Variants in SPTBN5 observed in about 807,000 individuals in gnomAD.
SPTBN5 encodes spectrin beta chain, non-erythrocytic 5.
SPTBN5 carries 513 observed loss-of-function variants against 477.6 expected under a neutral mutation model. The ratio of observed to expected loss-of-function variants is 1.07; its 90% CI spans 1.00 to 1.16. The LOEUF (loss-of-function observed/expected upper bound fraction) is 1.16. Among genes scored for constraint, SPTBN5 ranks in the 50% most tolerant of loss-of-function variants. SPTBN5 has a pLI of 0.00. For missense variants in SPTBN5, 5,062 were observed against 4,731.8 expected, an observed-to-expected ratio of 1.07 and a Z score of -2.05; for synonymous variants, 2,169 against 2,011.7, an observed-to-expected ratio of 1.08 and a Z score of -2.09.
chr15:41,850,175 G>A, intron 66 of SPTBN5: 1 of 562,866 alleles, frequency 1.8e-6, no homozygotes, highest in South Asian at 2.1e-5. Flanking sequence ...CCTCACAGGT[G>A]AGTTAAGAAA....
chr15:41,858,787 T>C, intron 48 of SPTBN5, 39 bp from the exon 49 acceptor site: 1 of 1,588,176 alleles, frequency 6.3e-7, no homozygotes, highest in South Asian at 1.1e-5. Flanking sequence ...GTCCAGGGCT[T>C]TCCCCTTCCC....
At position 41,856,881 on chromosome 15, in the gene SPTBN5, G is replaced by A. The variant is rs755023547; in HGVS notation, c.8780C>T (p.Ala2927Val). Residue 2927 changes from alanine (A) to valine (V), a missense_variant, in exon 52 of 68, where the codon GCG becomes GTG. Physicochemically the swap from Ala to Val is moderately conservative, Grantham distance 64. Transcript: ENST00000320955. Reference protein sequence around the residue: ...AAQDYGQSLSAVRHLQEQHQN... With the variant: ...AAQDYGQSLSVVRHLQEQHQN... Reference sequence around the variant, plus strand: ...GTGCTGCTCCTGCAGGTGCCGCACCGCACTCAGGCTCTGGCCATAGTCCTG... The same window carrying A: ...GTGCTGCTCCTGCAGGTGCCGCACCACACTCAGGCTCTGGCCATAGTCCTG... 2.6e-4 allele frequency: 400 copies of A among 1,550,360 alleles called. 2 individuals carry two copies. The highest frequency in any genetic ancestry group is 3.0e-4 in the African/African-American group (22 of 73,078).
chr15:41,857,651 C>T lies in SPTBN5; in HGVS notation c.8286G>A (p.Leu2762=). 1.9e-6 allele frequency: 3 copies of T among 1,595,090 alleles called. No homozygotes were observed. Among genetic ancestry groups the T allele is most frequent in the East Asian group, 2.3e-5 (1 of 44,056 alleles). Residue 2762 remains leucine (L), a synonymous_variant, in exon 50 of 68, where the codon CTG becomes CTA. Coordinates refer to ENST00000320955, the MANE Select transcript of SPTBN5 (RefSeq NM_016642.4). ...HPASEAIQER[L]EELGALWGEL... is the part of the protein sequence containing the mutation. ...CACCCCAGAGTGCTCCCAGCTCCTC[C>T]AGTCGCTCCTGGATGGCCTCCGAGG...
rs964228902 is a variant in SPTBN5, at chr15:41,849,891, C to A, written c.10990G>T (p.Ala3664Ser). ...SSLNECTTKD[A>S]RPGCLLRSDP The stretch of plus-strand genomic sequence containing the variant: ...CACCTGAGTAGACATCCAGGCCGGG[C>A]ATCCTTGGTCGTGCACTCATTCAGA... Residue 3664 changes from alanine (A) to serine (S), a missense_variant, in exon 67 of 68, where the codon GCC (alanine) becomes TCC (serine). Transcript: ENST00000320955. 3.8e-6 allele frequency: 6 copies of A among 1,587,154 alleles called. No individual in the cohort carries two copies. The African/African-American group carries it at 6.7e-5, about 18-fold the overall frequency.
chr15:41,872,317 T>C lies in SPTBN5; in HGVS notation c.5150A>G (p.Glu1717Gly), dbSNP rs370834002. ...RLREQLRALQ[E>G]LAATRDRELE... Reference sequence around the variant, plus strand: ...GTGTCCTCACCGTGTGGCCGCCAACTCCTGCAGTGCCCGCAGCTGCTCCCG... The same window carrying C: ...GTGTCCTCACCGTGTGGCCGCCAACCCCTGCAGTGCCCGCAGCTGCTCCCG... The change falls in exon 27 of 68, where the codon GAG becomes GGG. Residue 1717 changes from glutamate (E) to glycine (G), a missense_variant. Transcript: ENST00000320955. The C allele has an allele frequency of 1.2e-6, 2 of 1,610,942 alleles. No individual in the cohort carries two copies. The highest frequency in any genetic ancestry group is 3.3e-5 in the Admixed American group (2 of 59,988).
At chr15:41,861,676 G>T (rs1442313363) in intron 45 of SPTBN5, 59 bp downstream of exon 45, 3 of 1,508,372 alleles carry the variant, frequency 2.0e-6, no homozygotes, top group African/African-American at 1.4e-5. Context: ...AGGCTGTGGG[G>T]TCAGCGCAGG....
chr15:41,878,485 T>C lies in SPTBN5; in HGVS notation c.3327A>G (p.Gln1109=). The C allele has an allele frequency of 6.2e-7, 1 of 1,613,428 alleles. No individual in the cohort carries two copies. The highest frequency in any genetic ancestry group is 2.2e-5 in the East Asian group (1 of 44,866). ...AETQARQSFL[Q]ESQQLLLWAE... is the part of the protein sequence containing the mutation. ...CCCACAGTAGCAGTTGCTGGCTCTC[T>C]TGCAGGAAGCTCTGCCGGGCCTGAG... Residue 1109 remains glutamine (Q), a synonymous_variant, in exon 17 of 68, where the codon CAA becomes CAG. Coordinates refer to ENST00000320955, the MANE Select transcript of SPTBN5 (RefSeq NM_016642.4).
Position 41,856,599 on chromosome 15 carries a change from C to T in SPTBN5, c.8809-1G>A, listed in dbSNP as rs369287594. ...GGCTGCTCATCTCACTCTCCAGGTT[C>T]TGCGGGGGAGGAGGCAGGAGGATGC... On this transcript the variant is annotated splice_acceptor_variant, in intron 52 of 67. Coordinates refer to ENST00000320955, the MANE Select transcript of SPTBN5 (RefSeq NM_016642.4). LOFTEE classifies it high-confidence loss of function. 4.9e-5 allele frequency: 77 copies of T among 1,581,224 alleles called. No individual in the cohort carries two copies. The highest frequency in any genetic ancestry group is 6.4e-5 in the Non-Finnish European group (75 of 1,169,880).
chr15:41,852,622 G>A lies in SPTBN5; in HGVS notation c.10449+12C>T, dbSNP rs573607011. 3 of 1,612,828 alleles carry A rather than the reference G, an allele frequency of 1.9e-6. No individual in the cohort carries two copies. The South Asian group carries it at 3.3e-5, about 18-fold the overall frequency. ...CCACCAGCCCTCAGCCCCTAGCCGA[G>A]GCAGTCGTCACCTCTGTCTTTTGCA... On this transcript the variant is annotated intron_variant, in intron 61 of 67. Coordinates refer to ENST00000320955, the MANE Select transcript of SPTBN5 (RefSeq NM_016642.4).
rs779580372 is a variant in SPTBN5 at position 41,877,183 on chromosome 15, C to T, written c.3644G>A (p.Arg1215Gln). Reference sequence around the variant, plus strand: ...GGTGGCAGTGAAACCATCCACTTCTCGGCCAAACTTCTGCAGCTCCAGCCC... The same window carrying T: ...GGTGGCAGTGAAACCATCCACTTCTTGGCCAAACTTCTGCAGCTCCAGCCC... ...QEGLELQKFG[R>Q]EVDGFTATCA... Residue 1215 changes from arginine (R) to glutamine (Q), a missense_variant, in exon 18 of 68, where the codon CGA becomes CAA. Physicochemically the swap from Arg to Gln is conservative, Grantham distance 43 (BLOSUM62 1). Transcript: ENST00000320955. The T allele has an allele frequency of 6.2e-6, 10 of 1,613,872 alleles. No individual in the cohort carries two copies. Among genetic ancestry groups the T allele is most frequent in the Middle Eastern group, 1.6e-4 (1 of 6,084 alleles).
Position 41,892,977 on chromosome 15 carries a change from C to T in SPTBN5, c.301G>A (p.Ala101Thr). The T allele has an allele frequency of 6.2e-7, 1 of 1,609,366 alleles. No individual in the cohort carries two copies. Among genetic ancestry groups the T allele is most frequent in the South Asian group, 1.1e-5 (1 of 91,070 alleles). Residue 101 changes from alanine (A) to threonine (T), a missense_variant, in exon 3 of 68, where the codon GCC becomes ACC. Coordinates refer to ENST00000320955, the MANE Select transcript of SPTBN5 (RefSeq NM_016642.4). ...LRLLELISGEALPPPSRGRLR... is the reference protein window; with the variant it reads ...LRLLELISGETLPPPSRGRLR... Reference sequence around the variant, plus strand: ...CGGCCCCGGCTCGGGGGTGGCAGGGCCTCCCCTGAGATGAGCTCCAGCAGC... The same window carrying T: ...CGGCCCCGGCTCGGGGGTGGCAGGGTCTCCCCTGAGATGAGCTCCAGCAGC...
chr15:41,882,285 G>A lies in SPTBN5; in HGVS notation c.2231C>T (p.Ala744Val), dbSNP rs920910314. The A allele has an allele frequency of 6.7e-7, 1 of 1,488,782 alleles. No individual in the cohort carries two copies. Among genetic ancestry groups the A allele is most frequent in the Non-Finnish European group, 8.9e-7 (1 of 1,118,220 alleles). The allele number at this position is 1,488,782 out of a possible 1,614,324, so 92.2% of individuals were successfully genotyped here. A position where few individuals can be genotyped will look rare whatever the true frequency, so the allele number is the denominator to read the frequency against. ...CCCCACTACCTGCAGGACCAGCAGG[G>A]CTGTCTGCAGCCGTGCGCCCCGCCC... ...VVGRGARLQT[A>V]LLVLQYFADA... Residue 744 changes from alanine to valine, a missense_variant, in exon 11 of 68, where the codon GCC (alanine) becomes GTC (valine). By Grantham distance (64) the Ala-to-Val change is moderately conservative. Coordinates refer to ENST00000320955, the MANE Select transcript of SPTBN5 (RefSeq NM_016642.4).
In SPTBN5 at chr15:41,854,770, G is replaced by A. The variant is rs1374689341; in HGVS notation, c.9618+12C>T. The A allele has an allele frequency of 6.7e-7, 1 of 1,503,506 alleles. No homozygotes were observed. Among genetic ancestry groups the A allele is most frequent in the South Asian group, 1.3e-5 (1 of 74,094 alleles). 93.1% of individuals were successfully genotyped at this position (1,503,506 alleles called of 1,614,324 possible). A position where few individuals can be genotyped will look rare whatever the true frequency, so the allele number is the denominator to read the frequency against. ...GACACCCCTTAGCTTGGCCCGGCCT[G>A]TGATCACCTACCTCTGTGCGGGCTT... On this transcript the variant is annotated intron_variant, in intron 56 of 67. Transcript: ENST00000320955.
At chr15:41,857,198 G>A (rs1369093789) in intron 51 of SPTBN5, 40 bp downstream of exon 51, 2 of 1,558,452 alleles carry the variant, frequency 1.3e-6, no homozygotes, top group African/African-American at 2.7e-5. Context: ...GTCCCTCCAG[G>A]AAGGCAGGGA....
chr15:41,852,048 T>C (rs1440784964), intron 62 of SPTBN5, 134 bp downstream of exon 62: 2 of 1,131,244 alleles, frequency 1.8e-6, no homozygotes, highest in African/African-American at 3.1e-5. Context: ...TTATTCCTAA[T>C]GACCTTCAGC....
intron 17 of SPTBN5, among the ~76,000 whole-genome samples, 164 bp downstream of exon 17, chr15:41,878,178 C>A (rs1254925994): frequency 6.6e-6 from 1 of 152,220 alleles, no homozygotes; most frequent in East Asian, 1.9e-4. Flanking sequence ...ATTATATCCT[C>A]CTCTGTGTAA....
chr15:41,852,752 T>C lies in SPTBN5; in HGVS notation c.10348-17A>G, dbSNP rs1178809635. 9.5e-6 allele frequency: 15 copies of C among 1,574,468 alleles called. No individual in the cohort carries two copies. Among genetic ancestry groups the C allele is most frequent in the Non-Finnish European group, 1.3e-5 (15 of 1,148,396 alleles). ...CACTGAGTGCTGGGGAGAAGCATGTTCAGGTGACGCCCAGCTTGGGGGGGG... is the reference window on the plus strand; with the variant it reads ...CACTGAGTGCTGGGGAGAAGCATGTCCAGGTGACGCCCAGCTTGGGGGGGG... On this transcript the variant is annotated splice_polypyrimidine_tract_variant and intron_variant, in intron 60 of 67. Transcript: ENST00000320955.
At chr15:41,851,728 G>C (rs369302502) in intron 63 of SPTBN5, 51 bp downstream of exon 63, 197 of 1,421,974 alleles carry the variant, frequency 1.4e-4, no homozygotes, top group Non-Finnish European at 1.8e-4. Context: ...AGCCACTCAA[G>C]TGCTGCTGCA....
In SPTBN5 at chr15:41,876,873, G is replaced by C. The variant is rs773939430; in HGVS notation, c.3787C>G (p.Arg1263Gly). Residue 1263 changes from arginine to glycine, a missense_variant, in exon 19 of 68, where the codon CGG (arginine) becomes GGG (glycine). Physicochemically the swap from Arg to Gly is moderately radical, Grantham distance 125. Coordinates refer to ENST00000320955, the MANE Select transcript of SPTBN5 (RefSeq NM_016642.4). ...CCGTGTGCCCGCAGAGCCTCTGCCC[G>C]AGGCCCCAGGGTGCTCAGGAGCCGC... Reference protein sequence around the residue: ...FGRLLSTLGPRAEALRAHGEK... With the variant: ...FGRLLSTLGPGAEALRAHGEK... 6.2e-7 allele frequency: 1 copy of C among 1,610,470 alleles called. No homozygotes were observed. The highest frequency in any genetic ancestry group is 2.2e-5 in the East Asian group (1 of 44,876).
Sources: gnomAD v4.1 joint callset for allele counts (sites outside exome capture counted in the v4.1 genomes callset) on GRCh38, gnomAD v4.1.1 for gene constraint, MANE v1.5 for transcripts, NCBI Gene and HGNC (gene_info 2026-07-23, HGNC 2026-07-21) for gene names.